NDUFB4: variants seen among roughly 807,000 people sequenced by gnomAD.
NDUFB4 encodes NADH dehydrogenase [ubiquinone] 1 beta subcomplex subunit 4.
Under a neutral mutation model 14.5 loss-of-function variants are expected in NDUFB4, and 10 were observed. That is an observed-to-expected ratio of 0.69 (90% CI 0.43 to 1.17). NDUFB4 has a LOEUF of 1.17. Among genes scored for constraint, NDUFB4 ranks in the 50% most tolerant of loss-of-function variants. NDUFB4 has a pLI of 0.00. For missense variants in NDUFB4, 165 were observed against 161.1 expected (o/e 1.02, Z -0.13); for synonymous variants, 65 against 63.4 (o/e 1.03, Z -0.12).
intron 1 of NDUFB4, 85 bp downstream of exon 1, chr3:120,596,624 C>T: frequency 1.4e-6 from 2 of 1,422,528 alleles, no homozygotes; most frequent in Non-Finnish European, 1.9e-6. Flanking sequence ...GGCCACCGCT[C>T]CCGATCAGTA....
chr3:120,599,150 T>C (rs1300194915), intron 1 of NDUFB4, among the ~76,000 whole-genome samples: 1 of 152,154 alleles, frequency 6.6e-6, no homozygotes, highest in Non-Finnish European at 1.5e-5. Context: ...TAAGTGATTT[T>C]AAGAATGAAG....
At chr3:120,597,374 C>T (rs1408359856) in intron 1 of NDUFB4, among the ~76,000 whole-genome samples, 1 of 152,008 alleles carries the variant, frequency 6.6e-6, no homozygotes, top group African/African-American at 2.4e-5. Context: ...TAATATATGC[C>T]CAGTAAACTG....
At position 120,599,392 on chromosome 3, in the gene NDUFB4, AT is replaced by A. The variant is rs1940019700; in HGVS notation, c.181-1718del. Among the ~76,000 whole-genome samples the A allele has an allele frequency of 3.3e-5, 5 of 152,272 alleles. No individual in the cohort carries two copies. The South Asian group carries it at 1.0e-3, about 32-fold the overall frequency. ...TAAAGTTATCTGACCAGATGACATC[AT>A]CAAGGGAGTAAATGTAGATAGGAAA... On this transcript the variant is annotated intron_variant, in intron 1 of 2. Coordinates refer to ENST00000184266, the MANE Select transcript of NDUFB4 (RefSeq NM_004547.6).
Position 120,602,264 on chromosome 3 carries a change from A to T in NDUFB4, c.384A>T (p.Ser128=). ...AATTGGATCGAACATTTCACCTCTC[A>T]TATTAAGTCTGGCAATGATGACTAT... is the stretch of plus-strand genomic sequence containing the variant. ...EGKLDRTFHL[S]Y Residue 128 remains serine (S), a synonymous_variant, in exon 3 of 3, where the codon TCA becomes TCT. Coordinates refer to ENST00000184266, the MANE Select transcript of NDUFB4 (RefSeq NM_004547.6). The T allele has an allele frequency of 6.2e-7, 1 of 1,608,796 alleles. No individual in the cohort carries two copies. Among genetic ancestry groups the T allele is most frequent in the Non-Finnish European group, 8.5e-7 (1 of 1,177,556 alleles).
chr3:120,597,458 A>G (rs774609415), intron 1 of NDUFB4, among the ~76,000 whole-genome samples: 24 of 151,894 alleles, frequency 1.6e-4, no homozygotes, highest in Admixed American at 6.6e-4. Context: ...ATGTTAACAG[A>G]ACAGGACTGG....
intron 1 of NDUFB4, among the ~76,000 whole-genome samples, chr3:120,598,469 C>G (rs1036194074): frequency 2.6e-5 from 4 of 152,114 alleles, no homozygotes; most frequent in African/African-American, 9.7e-5. Context: ...GCAAAAATTC[C>G]TGTCCTTGTA....
Position 120,596,474 on chromosome 3 carries a change from A to T in NDUFB4, c.115A>T (p.Ile39Leu), listed in dbSNP as rs376658645. 2 of 1,614,104 alleles carry T rather than the reference A, an allele frequency of 1.2e-6. No homozygotes were observed. Among genetic ancestry groups the T allele is most frequent in the Admixed American group, 1.7e-5 (1 of 60,016 alleles). Residue 39 changes from isoleucine to leucine, a missense_variant, in exon 1 of 3, where the codon ATA becomes TTA. Physicochemically the swap from Ile to Leu is conservative, Grantham distance 5. Transcript: ENST00000184266. Reference sequence around the variant, plus strand: ...GCGGGCGCAAGCCGAGCGGTTGGCCATAAGAGCCCAGCTGAAACGAGAGTA... The same window carrying T: ...GCGGGCGCAAGCCGAGCGGTTGGCCTTAAGAGCCCAGCTGAAACGAGAGTA... ...TRRAQAERLA[I>L]RAQLKREYLL...
In NDUFB4 at chr3:120,596,442, A is replaced by G; in HGVS notation, c.83A>G (p.Glu28Gly). ...LDPAEYNISP[E>G]TRRAQAERLA... is the part of the protein sequence containing the mutation. ...CCAGCCGAATACAACATATCTCCGG[A>G]AACCCGGCGGGCGCAAGCCGAGCGG... Residue 28 changes from glutamate (E) to glycine (G), a missense_variant, in exon 1 of 3, where the codon GAA (glutamate) becomes GGA (glycine). By Grantham distance (98) the Glu-to-Gly change is moderately conservative. Coordinates refer to ENST00000184266, the MANE Select transcript of NDUFB4 (RefSeq NM_004547.6). 6.2e-7 allele frequency: 1 copy of G among 1,614,118 alleles called. No individual in the cohort carries two copies. The highest frequency in any genetic ancestry group is 8.5e-7 in the Non-Finnish European group (1 of 1,180,008).
intron 2 of NDUFB4, 122 bp downstream of exon 2, chr3:120,601,379 C>T (rs912475043): frequency 8.6e-6 from 13 of 1,516,376 alleles, no homozygotes; most frequent in African/African-American, 4.2e-5. Context: ...TGTCCTCTGC[C>T]TTCCCTTCCT....
At chr3:120,597,609 C>T (rs1028780829) in intron 1 of NDUFB4, among the ~76,000 whole-genome samples, 13 of 152,296 alleles carry the variant, frequency 8.5e-5, no homozygotes, top group African/African-American at 3.1e-4. Flanking sequence ...TGATTAAGCT[C>T]TACTACTGTC....
At chr3:120,596,966 A>C (rs1318560765) in intron 1 of NDUFB4, among the ~76,000 whole-genome samples, 1 of 145,792 alleles carries the variant, frequency 6.9e-6, no homozygotes, top group Admixed American at 6.9e-5. Context: ...ATATTATATT[A>C]TATATATATT....
intron 2 of NDUFB4, 144 bp downstream of exon 2, chr3:120,601,401 T>C: frequency 2.7e-6 from 4 of 1,486,198 alleles, no homozygotes; most frequent in Non-Finnish European, 3.5e-6. Context: ...TCTTCTTTTA[T>C]CTTTATTCCT....
intron 1 of NDUFB4, among the ~76,000 whole-genome samples, chr3:120,598,050 AT>A (rs139670492): frequency 0.037 from 5,317 of 142,614 alleles, 90 homozygotes; most frequent in Middle Eastern, 0.071. Context: ...CTCTTGCCTA[AT>A]TTTTTTTTTT....
intron 2 of NDUFB4, chr3:120,601,826 G>A (rs1056708559): frequency 1.9e-6 from 2 of 1,027,676 alleles, no homozygotes; most frequent in African/African-American, 1.7e-5. Context: ...TAGAGTTCGT[G>A]TATTTTGATT....
Position 120,596,429 on chromosome 3 carries a change from A to G in NDUFB4, c.70A>G (p.Asn24Asp). The G allele has an allele frequency of 6.2e-7, 1 of 1,614,184 alleles. No individual in the cohort carries two copies. Among genetic ancestry groups the G allele is most frequent in the Non-Finnish European group, 8.5e-7 (1 of 1,180,016 alleles). ...LPETLDPAEY[N>D]ISPETRRAQA... ...TGAGACCCTCGACCCAGCCGAATAC[A>G]ACATATCTCCGGAAACCCGGCGGGC... The change falls in exon 1 of 3, where the codon AAC (asparagine) becomes GAC (aspartate). Residue 24 changes from asparagine to aspartate, a missense_variant. Physicochemically the swap from Asn to Asp is conservative, Grantham distance 23. Coordinates refer to ENST00000184266, the MANE Select transcript of NDUFB4 (RefSeq NM_004547.6).
chr3:120,596,466 G>T lies in NDUFB4; in HGVS notation c.107G>T (p.Arg36Leu). The T allele has an allele frequency of 6.2e-7, 1 of 1,614,078 alleles. No homozygotes were observed. The highest frequency in any genetic ancestry group is 1.6e-4 in the Middle Eastern group (1 of 6,062). ...SPETRRAQAE[R>L]LAIRAQLKRE... ...GAAACCCGGCGGGCGCAAGCCGAGC[G>T]GTTGGCCATAAGAGCCCAGCTGAAA... Residue 36 changes from arginine (R) to leucine (L), a missense_variant, in exon 1 of 3, where the codon CGG (arginine) becomes CTG (leucine). Arg to Leu is a moderately radical substitution (Grantham distance 102). Coordinates refer to ENST00000184266, the MANE Select transcript of NDUFB4 (RefSeq NM_004547.6).
At position 120,596,452 on chromosome 3, in the gene NDUFB4, G is replaced by C. The variant is rs372273655; in HGVS notation, c.93G>C (p.Arg31=). 1 of 1,614,064 alleles carries C rather than the reference G, an allele frequency of 6.2e-7. No individual in the cohort carries two copies. The highest frequency in any genetic ancestry group is 8.5e-7 in the Non-Finnish European group (1 of 1,180,000). Residue 31 remains arginine, a synonymous_variant, in exon 1 of 3, where the codon CGG becomes CGC. Coordinates refer to ENST00000184266, the MANE Select transcript of NDUFB4 (RefSeq NM_004547.6). ...AEYNISPETR[R]AQAERLAIRA... is the part of the protein sequence containing the mutation. ...ACAACATATCTCCGGAAACCCGGCG[G>C]GCGCAAGCCGAGCGGTTGGCCATAA...
rs1012623397 is a variant in NDUFB4 at position 120,602,000 on chromosome 3, C to T, written c.328-208C>T. The T allele has an allele frequency of 1.9e-4, 252 of 1,306,702 alleles. 2 individuals carry two copies. The highest frequency in any genetic ancestry group is 4.7e-5 in the Non-Finnish European group (48 of 1,031,320). The allele number at this position is 1,306,702 out of a possible 1,614,324, so 80.9% of individuals were successfully genotyped here. ...GCATTTTCTTACTGTGTCTTTAGTT[C>T]CTCGGATTACTGTTTCTTCGCACAC... On this transcript the variant is annotated intron_variant, in intron 2 of 2. Transcript: ENST00000184266.
rs142688627 is a variant in NDUFB4, at chr3:120,596,537, A to T, written c.178A>T (p.Ile60Phe). The T allele has an allele frequency of 3.2e-5, 52 of 1,612,942 alleles. 1 individual carries two copies. The Middle Eastern group carries it at 9.9e-4, about 31-fold the overall frequency. Residue 60 changes from isoleucine to phenylalanine, a missense_variant and splice_region_variant, in exon 1 of 3, where the codon ATC (isoleucine) becomes TTC (phenylalanine). Transcript: ENST00000184266. ...CAACGATCCCAACCGCCGAGGGCTC[A>T]TCGTGAGTGTGGGGCCTCCCAGGCG... is the stretch of plus-strand genomic sequence containing the variant. ...QYNDPNRRGL[I>F]ENPALLRWAY...
Sources: gnomAD v4.1 joint callset for allele counts (sites outside exome capture counted in the v4.1 genomes callset) on GRCh38, gnomAD v4.1.1 for gene constraint, MANE v1.5 for transcripts, NCBI Gene and HGNC (gene_info 2026-07-23, HGNC 2026-07-21) for gene names.